The following WDR59 variants were observed in gnomAD, a reference collection of about 807,000 sequenced individuals.
WDR59 encodes the protein GATOR2 complex protein WDR59.
A neutral mutation model predicts 131.2 loss-of-function variants in WDR59; 100 were observed. The observed-to-expected ratio is 0.76, with a 90% CI of 0.65 to 0.90. The LOEUF (loss-of-function observed/expected upper bound fraction) is 0.90. Ranked by LOEUF, WDR59 falls within the 40% of genes least tolerant of loss-of-function variation. WDR59 has a pLI of 0.00. For missense variants in WDR59, 1,203 were observed against 1,262.2 expected (o/e 0.95, Z 0.71); for synonymous variants, 601 against 466.2 (o/e 1.29, Z -3.72).
chr16:74,922,946 C>T (rs1182626061), intron 9 of WDR59, among the ~76,000 whole-genome samples: 1 of 152,206 alleles, frequency 6.6e-6, no homozygotes, highest in Admixed American at 6.5e-5. Context: ...TTATCCATCC[C>T]TGTGCTAGCT....
chr16:74,915,393 T>G (rs1966317842), intron 13 of WDR59: 1 of 152,162 alleles, frequency 6.6e-6, no homozygotes, highest in Non-Finnish European at 1.5e-5. Context: ...AGTCTGCATC[T>G]CTTTATTTAC....
chr16:74,909,530 C>T lies in WDR59; in HGVS notation c.1613G>A (p.Arg538Lys). 1.3e-6 allele frequency: 2 copies of T among 1,597,748 alleles called. No homozygotes were observed. Among genetic ancestry groups the T allele is most frequent in the Non-Finnish European group, 1.7e-6 (2 of 1,174,216 alleles). ...SYQDANIPFP[R>K]TSGARFCGAG... ...TCCGCAGAACCTGGCCCCAGAAGTC[C>T]TAGGAAAGGGAATGTTGGCGTCCTG... Residue 538 changes from arginine (R) to lysine (K), a missense_variant, in exon 16 of 26, where the codon AGG becomes AAG. Arg to Lys is a conservative substitution (Grantham distance 26). Transcript: ENST00000262144.
At chr16:74,917,618 G>A (rs1462529169) in intron 11 of WDR59, among the ~76,000 whole-genome samples, 1 of 151,948 alleles carries the variant, frequency 6.6e-6, no homozygotes, top group Non-Finnish European at 1.5e-5. Context: ...AGACTAGCCT[G>A]GCCAACTTGG....
At chr16:74,953,085 A>G (rs2145148378) in intron 3 of WDR59, among the ~76,000 whole-genome samples, 1 of 152,260 alleles carries the variant, frequency 6.6e-6, no homozygotes, top group African/African-American at 2.4e-5. Flanking sequence ...GAGGCAAGCA[A>G]GGCTCAGAAA....
chr16:74,913,748 G>A (rs1047615978), intron 13 of WDR59, among the ~76,000 whole-genome samples: 2 of 152,190 alleles, frequency 1.3e-5, no homozygotes, highest in African/African-American at 4.8e-5. Context: ...GGGGAAGAAA[G>A]TAGATTCGGG....
chr16:74,956,475 C>A lies in WDR59; in HGVS notation c.240G>T (p.Ser80=). 6.2e-7 allele frequency: 1 copy of A among 1,612,628 alleles called. No homozygotes were observed. Among genetic ancestry groups the A allele is most frequent in the East Asian group, 2.2e-5 (1 of 44,862 alleles). Residue 80 remains serine, a splice_region_variant and synonymous_variant, in exon 3 of 26, where the codon TCG becomes TCT. Transcript: ENST00000262144. ...HDSFAHYFAA[S]SNQRVDLYKW... ...TCCTGTATTCCTTAAATAAGCTCAC[C>A]GAAGCCGCAAAATAGTGTGCAAAGC...
intron 18 of WDR59, among the ~76,000 whole-genome samples, chr16:74,900,343 G>A (rs1965494200): frequency 6.6e-6 from 1 of 152,026 alleles, no homozygotes; most frequent in African/African-American, 2.4e-5. Context: ...GGGAAGGAAG[G>A]GGCTAATGCT....
intron 8 of WDR59, among the ~76,000 whole-genome samples, chr16:74,931,267 AT>A (rs2031360732): frequency 6.6e-6 from 1 of 152,234 alleles, no homozygotes; most frequent in Admixed American, 6.5e-5. Flanking sequence ...TTATTAAAAT[AT>A]AAAAATTACA....
At chr16:74,896,665 C>A (rs1965314198) in intron 18 of WDR59, among the ~76,000 whole-genome samples, 1 of 151,890 alleles carries the variant, frequency 6.6e-6, no homozygotes, top group Non-Finnish European at 1.5e-5. Flanking sequence ...AATTTCCTGA[C>A]CTTTAAAACA....
At chr16:74,970,068 C>T (rs1461678181) in intron 1 of WDR59, among the ~76,000 whole-genome samples, 6 of 152,222 alleles carry the variant, frequency 3.9e-5, no homozygotes, top group African/African-American at 7.2e-5. Flanking sequence ...GGACCACAGG[C>T]GCATGCCACC....
At chr16:74,961,535 C>T (rs1269238161) in intron 2 of WDR59, among the ~76,000 whole-genome samples, 2 of 152,134 alleles carry the variant, frequency 1.3e-5, no homozygotes, top group African/African-American at 4.8e-5. Flanking sequence ...ATTTGCATTT[C>T]TCTAATGATC....
At chr16:74,945,801 C>T (rs886833499) in intron 6 of WDR59, among the ~76,000 whole-genome samples, 1 of 151,448 alleles carries the variant, frequency 6.6e-6, no homozygotes, top group African/African-American at 2.4e-5. Context: ...GAGAGACAGG[C>T]CACATTCACA....
intron 2 of WDR59, among the ~76,000 whole-genome samples, chr16:74,963,499 A>G (rs2033644470): frequency 6.6e-6 from 1 of 152,072 alleles, no homozygotes. Context: ...ACAGAAAACC[A>G]AATACTACAT....
intron 18 of WDR59, 115 bp downstream of exon 18, chr16:74,903,832 C>T (rs545577521): frequency 2.1e-4 from 277 of 1,293,196 alleles, no homozygotes; most frequent in Middle Eastern, 5.5e-4. Flanking sequence ...AAACTGATTA[C>T]GAAAGTGAAA....
chr16:74,879,717 C>G (rs1419897096), intron 25 of WDR59, among the ~76,000 whole-genome samples: 1 of 151,682 alleles, frequency 6.6e-6, no homozygotes, highest in African/African-American at 2.4e-5. Context: ...AAAAAAAAAC[C>G]AAAAAAGATC....
intron 1 of WDR59, among the ~76,000 whole-genome samples, chr16:74,982,345 T>C (rs771208682): frequency 2.6e-5 from 4 of 151,860 alleles, no homozygotes; most frequent in Non-Finnish European, 4.4e-5. Flanking sequence ...GCCTTGTAAA[T>C]AGGAAAATCA....
At chr16:74,876,189 T>C (rs1464949403) in intron 25 of WDR59, among the ~76,000 whole-genome samples, 1 of 152,202 alleles carries the variant, frequency 6.6e-6, no homozygotes, top group Non-Finnish European at 1.5e-5. Context: ...TGATATGTGG[T>C]ACCTAAGGGC....
At chr16:74,980,503 G>A (rs1318837781) in intron 1 of WDR59, among the ~76,000 whole-genome samples, 2 of 151,102 alleles carry the variant, frequency 1.3e-5, no homozygotes, top group Admixed American at 6.6e-5. Context: ...ACAGGCACAC[G>A]CCACCATGCC....
intron 1 of WDR59, chr16:74,984,714 T>A: frequency 1.8e-6 from 1 of 547,490 alleles, no homozygotes; most frequent in East Asian, 3.0e-5. Flanking sequence ...TCTGCCTCAG[T>A]GTCACAAGGC....
Sources: allele counts gnomAD v4.1 joint callset (sites outside exome capture counted in the v4.1 genomes callset), GRCh38; gene constraint gnomAD v4.1.1; transcripts MANE v1.5; gene names NCBI Gene and HGNC (gene_info 2026-07-23, HGNC 2026-07-21).